The following WASL variants were observed in gnomAD, a reference collection of about 807,000 sequenced individuals.
WASL encodes actin nucleation-promoting factor WASL.
A neutral mutation model predicts 55.5 loss-of-function variants in WASL; 20 were observed. That is an observed-to-expected ratio of 0.36 (90% CI 0.25 to 0.52). WASL has a LOEUF of 0.52. Among genes scored for constraint, WASL ranks in the 20% least tolerant of loss-of-function variants. The probability of loss-of-function intolerance (pLI) is 0.92; values close to 1 mark genes in which losing one functional copy is unlikely to be tolerated. For synonymous variants in WASL, 249 were observed against 217.6 expected (o/e 1.14, Z -1.27); for missense variants, 504 against 622.5 (o/e 0.81, Z 2.03).
In WASL at chr7:123,684,552, T is replaced by A. The variant is rs1015881630; in HGVS notation, c.1485A>T (p.Glu495Asp). 46 of 1,380,756 alleles carry A rather than the reference T, an allele frequency of 3.3e-5. No homozygotes were observed. The highest frequency in any genetic ancestry group is 4.4e-5 in the Non-Finnish European group (44 of 998,346). 85.5% of individuals were successfully genotyped at this position (1,380,756 alleles called of 1,614,324 possible). The change falls in exon 11 of 11, where the codon GAA becomes GAT. Residue 495 changes from glutamate (E) to aspartate (D), a missense_variant. Physicochemically the swap from Glu to Asp is conservative, Grantham distance 45. Transcript: ENST00000223023. ...CCCACTCATCATCATCCTCAAAATC[T>A]TCTTCATCATCTTCATCTTCATCTT... ...SDEDEDEDDE[E>D]DFEDDDEWED
chr7:123,695,429 T>G (rs113527460), intron 7 of WASL, among the ~76,000 whole-genome samples: 1,652 of 152,234 alleles, frequency 0.011, 14 homozygotes, highest in South Asian at 0.059. Context: ...ACGGCAAAAC[T>G]GCCAAAAAGA....
intron 10 of WASL, among the ~76,000 whole-genome samples, chr7:123,684,958 C>G (rs1474781778): frequency 1.3e-5 from 2 of 151,924 alleles, no homozygotes; most frequent in Admixed American, 1.3e-4. Flanking sequence ...TCTTCTTTTC[C>G]TGCTCCATCC....
chr7:123,690,079 T>C (rs1158392356), intron 9 of WASL, among the ~76,000 whole-genome samples: 1 of 152,154 alleles, frequency 6.6e-6, no homozygotes. Context: ...AGTATAGAAG[T>C]ACCACAAATG....
intron 4 of WASL, among the ~76,000 whole-genome samples, chr7:123,706,010 A>G (rs1277749247): frequency 6.6e-6 from 1 of 152,222 alleles, no homozygotes; most frequent in Non-Finnish European, 1.5e-5. Flanking sequence ...GTTCTCAACA[A>G]AAATATTATT....
At chr7:123,706,499 C>T in intron 3 of WASL, 126 bp from the exon 4 acceptor site, 2 of 923,216 alleles carry the variant, frequency 2.2e-6, no homozygotes, top group South Asian at 3.4e-5. Flanking sequence ...GCAGATAAGA[C>T]ATTATTTTAT....
chr7:123,682,216 G>C lies in WASL; in HGVS notation c.*2303C>G, dbSNP rs1562955117. On this transcript the variant is annotated 3_prime_UTR_variant, in exon 11 of 11. Transcript: ENST00000223023. ...CGACCATTTAGCTGGAGAATATACG[G>C]AAGGCTTTCAGACAACGCACAGGTA... 1.3e-5 allele frequency: 2 copies of C among 152,066 alleles called. No homozygotes were observed. The highest frequency in any genetic ancestry group is 1.3e-4 in the Admixed American group (2 of 15,238). The allele number at this position is 152,066 out of a possible 1,614,324, so 9.4% of individuals were successfully genotyped here. A position where few individuals can be genotyped will look rare whatever the true frequency, so the allele number is the denominator to read the frequency against.
intron 1 of WASL, among the ~76,000 whole-genome samples, chr7:123,721,178 T>TA (rs1339877588): frequency 6.6e-6 from 1 of 152,200 alleles, no homozygotes; most frequent in Non-Finnish European, 1.5e-5. Context: ...ACATGATTAA[T>TA]AAAAATAAGC....
chr7:123,725,829 C>T (rs190400617), intron 1 of WASL, among the ~76,000 whole-genome samples: 2 of 152,226 alleles, frequency 1.3e-5, no homozygotes, highest in African/African-American at 4.8e-5. Context: ...AATTAAATGT[C>T]CCACTGGCTT....
chr7:123,706,676 T>C, intron 3 of WASL, 64 bp downstream of exon 3: 1 of 1,174,546 alleles, frequency 8.5e-7, no homozygotes, highest in Non-Finnish European at 1.2e-6. Context: ...CTATAAATAA[T>C]TTGGATTAGA....
Position 123,706,278 on chromosome 7 carries a change from A to G in WASL, c.435T>C (p.Ser145=). The G allele has an allele frequency of 6.2e-7, 1 of 1,613,302 alleles. No individual in the cohort carries two copies. The change falls in exon 4 of 11, where the codon TCT becomes TCC. Residue 145 remains serine (S), a splice_region_variant and synonymous_variant. Coordinates refer to ENST00000223023, the MANE Select transcript of WASL (RefSeq NM_003941.4). ...TTTAAGTAATTAAAAAAGGGTTACC[A>G]GATTTCCTTTGTCGACGGCCCAAAA... is the stretch of plus-strand genomic sequence containing the variant. The part of the protein sequence containing the change: ...TDLLGRRQRK[S]EKRRDPPNGP...
chr7:123,739,876 ATGTGTGTGTG>A lies in WASL; in HGVS notation c.117+8732_117+8741del, dbSNP rs745649691. ...ATTCAAATCTTTTATACATTTATAT[ATGTGTGTGTG>A]TGTGTGTGTGTGTGTGTGTGTGTGT... On this transcript the variant is annotated intron_variant, in intron 1 of 10. Coordinates refer to ENST00000223023, the MANE Select transcript of WASL (RefSeq NM_003941.4). Among the ~76,000 whole-genome samples, 127 of 115,630 alleles carry A rather than the reference ATGTGTGTGTG, an allele frequency of 1.1e-3. 1 individual carries two copies. Among genetic ancestry groups the A allele is most frequent in the Non-Finnish European group, 9.9e-4 (54 of 54,462 alleles). The allele number at this position is 115,630 out of a possible 152,430, so 75.9% of individuals were successfully genotyped here.
At chr7:123,747,086 ACAC>A (rs1304387220) in intron 1 of WASL, among the ~76,000 whole-genome samples, 1 of 152,186 alleles carries the variant, frequency 6.6e-6, no homozygotes, top group Non-Finnish European at 1.5e-5. Context: ...TATTTCTTTA[ACAC>A]CACTTTTAGA....
At chr7:123,704,238 T>C (rs1803633196) in intron 5 of WASL, among the ~76,000 whole-genome samples, 1 of 152,200 alleles carries the variant, frequency 6.6e-6, no homozygotes, top group African/African-American at 2.4e-5. Context: ...AGGTAAATCT[T>C]AAAGTAGGAC....
At chr7:123,745,364 C>G (rs1804414393) in intron 1 of WASL, among the ~76,000 whole-genome samples, 1 of 152,114 alleles carries the variant, frequency 6.6e-6, no homozygotes, top group Non-Finnish European at 1.5e-5. Context: ...CAAATATGAT[C>G]TTGTGAGTCC....
chr7:123,713,293 C>A (rs969951687), intron 1 of WASL, among the ~76,000 whole-genome samples: 1 of 151,998 alleles, frequency 6.6e-6, no homozygotes, highest in African/African-American at 2.4e-5. Context: ...GCTGGGACTA[C>A]CAGCACACAC....
chr7:123,745,630 C>CAAA, intron 1 of WASL, among the ~76,000 whole-genome samples: 1 of 152,190 alleles, frequency 6.6e-6, no homozygotes, highest in Admixed American at 6.5e-5. Flanking sequence ...AATTTTCTGT[C>CAAA]AAGCTTGCTA....
intron 1 of WASL, among the ~76,000 whole-genome samples, chr7:123,720,528 C>T (rs901715710): frequency 6.6e-6 from 1 of 151,886 alleles, no homozygotes; most frequent in Non-Finnish European, 1.5e-5. Flanking sequence ...GAAGAACAGA[C>T]AAAACTAGTA....
intron 1 of WASL, among the ~76,000 whole-genome samples, chr7:123,746,352 T>G (rs926951211): frequency 2.8e-4 from 42 of 152,352 alleles, no homozygotes; most frequent in Non-Finnish European, 4.0e-4. Flanking sequence ...TTTCTTGAAT[T>G]CTTAGGTAGA....
At chr7:123,697,522 T>G (rs1196752390) in intron 5 of WASL, among the ~76,000 whole-genome samples, 1 of 152,218 alleles carries the variant, frequency 6.6e-6, no homozygotes, top group Non-Finnish European at 1.5e-5. Context: ...GAAAAATTTC[T>G]TAAAAATTCA....
Sources: gnomAD v4.1 joint callset for allele counts (sites outside exome capture counted in the v4.1 genomes callset) on GRCh38, gnomAD v4.1.1 for gene constraint, MANE v1.5 for transcripts, NCBI Gene and HGNC (gene_info 2026-07-23, HGNC 2026-07-21) for gene names.